Variants in WWOX observed in about 807,000 individuals in gnomAD.
WWOX encodes the protein WW domain-containing oxidoreductase.
Under a neutral mutation model 46.2 loss-of-function variants are expected in WWOX, and 69 were observed. That is an observed-to-expected ratio of 1.49 (90% confidence interval 1.23 to 1.82). WWOX has a LOEUF of 1.82. Ranked by LOEUF, WWOX falls within the 40% of genes most tolerant of loss-of-function variation. WWOX has a pLI of 0.00. For missense variants in WWOX, 919 were observed against 542.6 expected, an observed-to-expected ratio of 1.69 and a Z score of -6.89; for synonymous variants, 359 against 202.6, an observed-to-expected ratio of 1.77 and a Z score of -6.56.
At chr16:78,994,081 C>T (rs2046941116) in intron 8 of WWOX, among the ~76,000 whole-genome samples, 1 of 152,168 alleles carries the variant, frequency 6.6e-6, no homozygotes, top group Non-Finnish European at 1.5e-5. Flanking sequence ...GCATTTGATT[C>T]ATTTGCTTAT....
chr16:78,513,013 C>T (rs1383804210), intron 8 of WWOX, among the ~76,000 whole-genome samples: 2 of 152,076 alleles, frequency 1.3e-5, no homozygotes, highest in Non-Finnish European at 2.9e-5. Context: ...TATTTGTGGA[C>T]CTTTCATTAG....
At position 78,883,239 on chromosome 16, in the gene WWOX, C is replaced by A. The variant is rs192816101; in HGVS notation, c.1057-328369C>A. On this transcript the variant is annotated intron_variant, in intron 8 of 8. Transcript: ENST00000566780. The stretch of plus-strand genomic sequence containing the variant: ...AGCCTCCCCTCTTAAGCTTTGTGAA[C>A]TTCAGCAAGCTCCTGAACCCATCTG... Among the ~76,000 whole-genome samples the A allele has an allele frequency of 8.5e-3, 1,297 of 152,282 alleles. 5 individuals carry two copies. Among genetic ancestry groups the A allele is most frequent in the Non-Finnish European group, 0.013 (884 of 68,028 alleles).
intron 5 of WWOX, among the ~76,000 whole-genome samples, chr16:78,362,956 G>C (rs899211952): frequency 6.6e-6 from 1 of 152,148 alleles, no homozygotes; most frequent in African/African-American, 2.4e-5. Flanking sequence ...TCCAGAGGAA[G>C]GCCTCTGATT....
At chr16:79,043,590 A>T (rs986329086) in intron 8 of WWOX, among the ~76,000 whole-genome samples, 10 of 152,326 alleles carry the variant, frequency 6.6e-5, no homozygotes, top group African/African-American at 2.4e-4. Context: ...ATCCTGCATT[A>T]TAACCCTAAT....
In WWOX at chr16:78,379,899, A is replaced by T. The variant is rs554237091; in HGVS notation, c.517-6961A>T. 5.9e-5 allele frequency among the ~76,000 whole-genome samples: 9 copies of T among 152,364 alleles called. 1 individual carries two copies. Among genetic ancestry groups the T allele is most frequent in the African/African-American group, 1.9e-4 (8 of 41,584 alleles). On this transcript the variant is annotated intron_variant, in intron 5 of 8. Coordinates refer to ENST00000566780, the MANE Select transcript of WWOX (RefSeq NM_016373.4). Reference sequence around the variant, plus strand: ...CATTATTGGTAAGCATAATGTAGGCATGAGACGTTGCCTTTGAAGTGTCGG... The same window carrying T: ...CATTATTGGTAAGCATAATGTAGGCTTGAGACGTTGCCTTTGAAGTGTCGG...
chr16:78,403,810 C>A (rs1350135321), intron 6 of WWOX, among the ~76,000 whole-genome samples: 1 of 152,126 alleles, frequency 6.6e-6, no homozygotes, highest in Non-Finnish European at 1.5e-5. Flanking sequence ...CAGCTCTAGC[C>A]CTTCACTCAA....
At chr16:79,011,768 C>T (rs889276766) in intron 8 of WWOX, among the ~76,000 whole-genome samples, 2 of 152,064 alleles carry the variant, frequency 1.3e-5, no homozygotes, top group Non-Finnish European at 2.9e-5. Context: ...GCTGGGATTA[C>T]AGGCATGAGC....
intron 5 of WWOX, among the ~76,000 whole-genome samples, chr16:78,223,354 A>G (rs969638941): frequency 1.3e-5 from 2 of 152,198 alleles, no homozygotes; most frequent in Non-Finnish European, 2.9e-5. Flanking sequence ...CCAAAAGTCA[A>G]TAGTGCTGAG....
intron 8 of WWOX, among the ~76,000 whole-genome samples, chr16:78,579,781 A>G (rs545637063): frequency 3.3e-5 from 5 of 152,248 alleles, no homozygotes; most frequent in East Asian, 1.9e-4. Flanking sequence ...AAATGAGGAG[A>G]TAATATCTTT....
At chr16:78,803,553 C>T (rs1026279733) in intron 8 of WWOX, among the ~76,000 whole-genome samples, 3 of 152,060 alleles carry the variant, frequency 2.0e-5, no homozygotes, top group Non-Finnish European at 2.9e-5. Context: ...CTCAAGCAGT[C>T]GTCCTGCCTC....
rs191264961 is a variant in WWOX at position 78,490,950 on chromosome 16, C to T, written c.1056+58198C>T. On this transcript the variant is annotated intron_variant, in intron 8 of 8. Coordinates refer to ENST00000566780, the MANE Select transcript of WWOX (RefSeq NM_016373.4). Reference sequence around the variant, plus strand: ...TATGGAAGAGGCATCACGGGCAACTCGGCTTGGCTCACCAGCCCCTGAGCT... The same window carrying T: ...TATGGAAGAGGCATCACGGGCAACTTGGCTTGGCTCACCAGCCCCTGAGCT... Among the ~76,000 whole-genome samples, 33 of 152,248 alleles carry T rather than the reference C, an allele frequency of 2.2e-4. No individual in the cohort carries two copies. In the Middle Eastern group the frequency reaches 0.01, roughly 47 times the overall value.
At chr16:78,406,153 A>T (rs982984128) in intron 6 of WWOX, among the ~76,000 whole-genome samples, 8 of 151,334 alleles carry the variant, frequency 5.3e-5, no homozygotes, top group African/African-American at 1.7e-4. Context: ...AGCCAACTAT[A>T]TCGTCATTTT....
chr16:78,578,914 G>A (rs2044975619), intron 8 of WWOX, among the ~76,000 whole-genome samples: 1 of 152,172 alleles, frequency 6.6e-6, no homozygotes, highest in Non-Finnish European at 1.5e-5. Flanking sequence ...CTGTAATGCT[G>A]TTGTAGCTTT....
chr16:79,132,932 C>A (rs924348284), intron 8 of WWOX, among the ~76,000 whole-genome samples: 1 of 152,182 alleles, frequency 6.6e-6, no homozygotes, highest in South Asian at 2.1e-4. Context: ...GGCTTCTTGG[C>A]TGATCTGAGT....
At chr16:78,929,662 C>T (rs565586668) in intron 8 of WWOX, among the ~76,000 whole-genome samples, 4 of 152,068 alleles carry the variant, frequency 2.6e-5, no homozygotes, top group Non-Finnish European at 4.4e-5. Context: ...GACTAAAGAC[C>T]CGCGTGGACT....
intron 8 of WWOX, among the ~76,000 whole-genome samples, chr16:78,532,449 G>T (rs2043645170): frequency 1.3e-5 from 2 of 152,114 alleles, no homozygotes; most frequent in African/African-American, 4.8e-5. Context: ...TGAAATGCAT[G>T]AACATGCTTT....
intron 3 of WWOX, among the ~76,000 whole-genome samples, chr16:78,111,194 G>T (rs2032468927): frequency 6.6e-6 from 1 of 151,964 alleles, no homozygotes; most frequent in Non-Finnish European, 1.5e-5. Context: ...CATTTTATGT[G>T]GGCGAAAGAG....
intron 8 of WWOX, chr16:79,004,315 C>A (rs2047151233): frequency 6.6e-6 from 1 of 152,210 alleles, no homozygotes; most frequent in Admixed American, 6.5e-5. Context: ...GTGAATGCTA[C>A]TTCCTCCAAA....
At chr16:78,866,153 C>G (rs570181921) in intron 8 of WWOX, among the ~76,000 whole-genome samples, 11 of 152,124 alleles carry the variant, frequency 7.2e-5, no homozygotes, top group Non-Finnish European at 1.5e-4. Context: ...CATCTAGCTC[C>G]TGGGCTAACT....
Sources: gnomAD v4.1 joint callset for allele counts (sites outside exome capture counted in the v4.1 genomes callset) on GRCh38, gnomAD v4.1.1 for gene constraint, MANE v1.5 for transcripts, NCBI Gene and HGNC (gene_info 2026-07-23, HGNC 2026-07-21) for gene names.